Variants in UGT1A8 observed in about 807,000 individuals in gnomAD.
UGT1A8 encodes the protein UDP glucuronosyltransferase family 1 member A8.
UGT1A8 carries 39 observed loss-of-function variants against 45.3 expected under a neutral mutation model. The ratio of observed to expected loss-of-function variants is 0.86; its 90% CI spans 0.67 to 1.12. The LOEUF (loss-of-function observed/expected upper bound fraction) is 1.12, where lower values mean the gene tolerates loss of function less well. UGT1A8 is among the 50% of genes most tolerant of loss of function. The probability of loss-of-function intolerance (pLI) is 0.00; values close to 1 mark genes in which losing one functional copy is unlikely to be tolerated. For synonymous variants in UGT1A8, 275 were observed against 249.2 expected (o/e 1.10, Z -0.97); for missense variants, 719 against 664.9 (o/e 1.08, Z -0.90).
At chr2:233,638,329 T>C (rs1328010776) in intron 1 of UGT1A8, among the ~76,000 whole-genome samples, 1 of 152,212 alleles carries the variant, frequency 6.6e-6, no homozygotes, top group African/African-American at 2.4e-5. Context: ...TACATTTAAC[T>C]GATTACTGGT....
intron 1 of UGT1A8, among the ~76,000 whole-genome samples, chr2:233,749,225 A>G (rs1694145904): frequency 6.6e-6 from 1 of 151,808 alleles, no homozygotes; most frequent in Non-Finnish European, 1.5e-5. Context: ...TCTAAGCTTC[A>G]TTTTTTAAAA....
intron 1 of UGT1A8, among the ~76,000 whole-genome samples, chr2:233,669,013 G>C (rs2074130242): frequency 6.6e-6 from 1 of 152,164 alleles, no homozygotes; most frequent in South Asian, 2.1e-4. Context: ...GGTAACACAG[G>C]GGTTATAGGT....
At chr2:233,732,055 A>G (rs2078232493) in intron 1 of UGT1A8, among the ~76,000 whole-genome samples, 1 of 152,104 alleles carries the variant, frequency 6.6e-6, no homozygotes, top group African/African-American at 2.4e-5. Flanking sequence ...GCATTTATTC[A>G]TGTGTCTGTT....
chr2:233,640,463 C>T (rs868068335), intron 1 of UGT1A8, among the ~76,000 whole-genome samples: 6 of 152,096 alleles, frequency 3.9e-5, no homozygotes, highest in African/African-American at 1.2e-4. Flanking sequence ...AATAATAATA[C>T]TTTAATATTA....
chr2:233,702,713 T>C (rs928931603), intron 1 of UGT1A8, among the ~76,000 whole-genome samples: 3 of 152,216 alleles, frequency 2.0e-5, no homozygotes, highest in African/African-American at 2.4e-5. Context: ...TCTGTGTCTA[T>C]TGAAATGAAC....
chr2:233,666,984 AT>A (rs1374137443), intron 1 of UGT1A8, among the ~76,000 whole-genome samples: 1 of 152,068 alleles, frequency 6.6e-6, no homozygotes, highest in Non-Finnish European at 1.5e-5. Flanking sequence ...TGAACTCATC[AT>A]TTTTTATGGC....
intron 1 of UGT1A8, among the ~76,000 whole-genome samples, chr2:233,621,906 G>C (rs1259846507): frequency 1.3e-5 from 2 of 152,036 alleles, no homozygotes; most frequent in Non-Finnish European, 2.9e-5. Context: ...ACAGGCCCCA[G>C]TGTGCGATGT....
At position 233,637,088 on chromosome 2, in the gene UGT1A8, A is replaced by G. The variant is rs200208115; in HGVS notation, c.855+18526A>G. On this transcript the variant is annotated intron_variant, in intron 1 of 4. Transcript: ENST00000373450. ...GCACAGTGCCCTGCTCCTCTTTCCT[A>G]TGTCCCCAATGATCTCTTAGGGTTC... The G allele has an allele frequency of 4.0e-5, 64 of 1,613,888 alleles. No individual in the cohort carries two copies. The East Asian group carries it at 1.1e-3, about 27-fold the overall frequency.
chr2:233,637,100 A>ACT (rs2073314702), intron 1 of UGT1A8: 1 of 1,613,862 alleles, frequency 6.2e-7, no homozygotes, highest in Non-Finnish European at 8.5e-7. Flanking sequence ...GTCCCCAATG[A>ACT]TCTCTTAGGG....
chr2:233,743,979 A>T (rs1692622611), intron 1 of UGT1A8: 1 of 1,306,002 alleles, frequency 7.7e-7, no homozygotes, highest in Non-Finnish European at 1.0e-6. Flanking sequence ...GCCAGCACCC[A>T]GGCGCAGGCC....
At chr2:233,719,211 C>A in intron 1 of UGT1A8, 1 of 1,614,194 alleles carries the variant, frequency 6.2e-7, no homozygotes, top group Non-Finnish European at 8.5e-7. Flanking sequence ...TTGTGTGGAG[C>A]TACTGCATAA....
intron 1 of UGT1A8, chr2:233,672,408 C>T (rs2074225732): frequency 1.2e-6 from 2 of 1,613,772 alleles, no homozygotes; most frequent in Non-Finnish European, 1.7e-6. Context: ...TAATTGTTGC[C>T]AAATATTTCT....
At chr2:233,755,646 G>A (rs1240330219) in intron 1 of UGT1A8, 4 of 157,058 alleles carry the variant, frequency 2.5e-5, no homozygotes, top group Admixed American at 2.5e-4. Context: ...CTTTTTCCTC[G>A]GCCACAGGAG....
intron 1 of UGT1A8, chr2:233,692,872 T>C (rs2125553048): frequency 1.3e-6 from 2 of 1,488,718 alleles, no homozygotes; most frequent in Non-Finnish European, 1.8e-6. Flanking sequence ...TATCAAAGGG[T>C]AAAATTCAGA....
chr2:233,735,651 G>A (rs1291646517), intron 1 of UGT1A8, among the ~76,000 whole-genome samples: 3 of 152,276 alleles, frequency 2.0e-5, no homozygotes, highest in Admixed American at 6.5e-5. Context: ...GCTGGTACTG[G>A]TGTTTCTTTC....
At chr2:233,649,116 T>C (rs2073676368) in intron 1 of UGT1A8, 4 of 738,090 alleles carry the variant, frequency 5.4e-6, no homozygotes, top group Non-Finnish European at 7.6e-6. Context: ...GACATTTGTG[T>C]TTGTTGCATC....
intron 1 of UGT1A8, chr2:233,682,462 C>T: frequency 1.2e-6 from 2 of 1,613,942 alleles, no homozygotes; most frequent in Non-Finnish European, 1.7e-6. Context: ...TATTTTGCCA[C>T]TATCTTGAAG....
chr2:233,644,724 A>C (rs1040485812), intron 1 of UGT1A8, among the ~76,000 whole-genome samples: 2 of 152,026 alleles, frequency 1.3e-5, no homozygotes, highest in African/African-American at 4.8e-5. Context: ...TTTATGCCAC[A>C]CCGCCACTGT....
intron 1 of UGT1A8, among the ~76,000 whole-genome samples, chr2:233,710,292 T>A (rs754127967): frequency 6.6e-6 from 1 of 152,204 alleles, no homozygotes. Context: ...AAAGTGGGAT[T>A]GTTGGGTTGC....
Sources: allele counts gnomAD v4.1 joint callset (sites outside exome capture counted in the v4.1 genomes callset), GRCh38; gene constraint gnomAD v4.1.1; transcripts MANE v1.5; gene names NCBI Gene and HGNC (gene_info 2026-07-23, HGNC 2026-07-21).